Variants in GEMIN7 observed in about 807,000 individuals in gnomAD.
GEMIN7 encodes the protein gem-associated protein 7.
In GEMIN7, 7 loss-of-function variants were observed where a neutral mutation model predicts 7.8. The ratio of observed to expected loss-of-function variants is 0.90; its 90% CI spans 0.51 to 1.69. GEMIN7 has a LOEUF of 1.69. GEMIN7 is among the 40% of genes most tolerant of loss of function. GEMIN7 has a pLI of 0.00. For missense variants in GEMIN7, 159 were observed against 176.2 expected, an observed-to-expected ratio of 0.90 and a Z score of 0.55; for synonymous variants, 68 against 72.4, an observed-to-expected ratio of 0.94 and a Z score of 0.31.
chr19:45,077,360 C>A (rs913381003), upstream of GEMIN7, among the ~76,000 whole-genome samples: 1 of 152,208 alleles, frequency 6.6e-6, no homozygotes, highest in Non-Finnish European at 1.5e-5. Context: ...AGCTCACCTG[C>A]CTCCACTCCG....
At chr19:45,081,346 C>T (rs1967497335) in intron 2 of GEMIN7, among the ~76,000 whole-genome samples, 1 of 151,682 alleles carries the variant, frequency 6.6e-6, no homozygotes. Context: ...GTCCTAGTTA[C>T]TTGGGAGGCT....
At chr19:45,083,747 C>T (rs10422319) in intron 2 of GEMIN7, among the ~76,000 whole-genome samples, 83,234 of 149,056 alleles carry the variant, frequency 0.56, 24,037 homozygotes, top group African/African-American at 0.68. Context: ...ACTACAGGAG[C>T]GCACCCTTTG....
At chr19:45,087,826 C>T (rs78620885) in intron 2 of GEMIN7, among the ~76,000 whole-genome samples, 4,844 of 151,920 alleles carry the variant, frequency 0.032, 112 homozygotes, top group East Asian at 0.074. Context: ...GAGTTGACTA[C>T]AGTACTCCAG....
intron 2 of GEMIN7, among the ~76,000 whole-genome samples, chr19:45,087,319 A>G (rs1176654873): frequency 1.3e-5 from 2 of 152,062 alleles, no homozygotes; most frequent in Admixed American, 1.3e-4. Flanking sequence ...TGATTTTTGT[A>G]TTTTAGTACA....
chr19:45,082,620 A>T (rs548480800), intron 2 of GEMIN7, among the ~76,000 whole-genome samples: 143 of 151,848 alleles, frequency 9.4e-4, no homozygotes, highest in African/African-American at 3.2e-3. Context: ...TGGATGAGTG[A>T]ATTTTTTTTT....
At chr19:45,085,438 A>G (rs997333673) in intron 2 of GEMIN7, 1 of 152,234 alleles carries the variant, frequency 6.6e-6, no homozygotes, top group Admixed American at 6.6e-5. Flanking sequence ...TGCTACTGGC[A>G]TCTATTAATA....
At chr19:45,077,034 T>C (rs1227039393), upstream of GEMIN7, among the ~76,000 whole-genome samples, 1 of 151,794 alleles carries the variant, frequency 6.6e-6, no homozygotes, top group Non-Finnish European at 1.5e-5. Flanking sequence ...GCGGAGAGGG[T>C]TACTGGGGTT....
intron 2 of GEMIN7, among the ~76,000 whole-genome samples, chr19:45,084,834 C>T (rs545390856): frequency 2.0e-5 from 3 of 152,392 alleles, no homozygotes; most frequent in Admixed American, 2.0e-4. Context: ...CGGCTCACCA[C>T]AACCTCTGCC....
intron 2 of GEMIN7, among the ~76,000 whole-genome samples, chr19:45,083,891 G>A (rs564199550): frequency 1.1e-4 from 17 of 151,886 alleles, no homozygotes; most frequent in Admixed American, 6.6e-4. Flanking sequence ...GAGCCACCTC[G>A]TGCCCAGCTG....
chr19:45,090,557 A>T lies in GEMIN7; in HGVS notation c.*47A>T. On this transcript the variant is annotated 3_prime_UTR_variant, in exon 3 of 3. Coordinates refer to ENST00000270257, the MANE Select transcript of GEMIN7 (RefSeq NM_024707.3). ...GCTTGAGGCTAAGGCACTGTATCCC[A>T]GGCCTCCCAATGTTCCCGAGCCAGG... The T allele has an allele frequency of 1.3e-6, 2 of 1,541,492 alleles. No homozygotes were observed.
chr19:45,078,655 T>C (rs887239691), upstream of GEMIN7, among the ~76,000 whole-genome samples: 3 of 152,188 alleles, frequency 2.0e-5, no homozygotes, highest in Non-Finnish European at 4.4e-5. Flanking sequence ...CACTAGGCCT[T>C]GGTGATCTAG....
chr19:45,088,111 A>C (rs1302064658), intron 2 of GEMIN7, among the ~76,000 whole-genome samples: 1 of 150,880 alleles, frequency 6.6e-6, no homozygotes, highest in South Asian at 2.1e-4. Context: ...ATGCTTGGCT[A>C]ATTTTTGTAT....
At chr19:45,084,265 C>G (rs964774664) in intron 2 of GEMIN7, among the ~76,000 whole-genome samples, 2 of 147,048 alleles carry the variant, frequency 1.4e-5, no homozygotes, top group East Asian at 2.1e-4. Context: ...GGCATGGTGG[C>G]TTAGACCTGT....
At chr19:45,075,701 G>T (rs376870961), upstream of GEMIN7, 4 of 1,612,974 alleles carry the variant, frequency 2.5e-6, no homozygotes, top group Non-Finnish European at 2.5e-6. Context: ...GACTGCACCC[G>T]GCTTTACTCA....
At position 45,085,992 on chromosome 19, in the gene GEMIN7, C is replaced by T. The variant is rs928457262; in HGVS notation, c.-8-4115C>T. Among the ~76,000 whole-genome samples, 8 of 150,944 alleles carry T rather than the reference C, an allele frequency of 5.3e-5. No individual in the cohort carries two copies. In the East Asian group the frequency reaches 8.0e-4, roughly 15 times the overall value. ...ACGCCATTCTCCTGCCTCAGCCTCC[C>T]GAGTAGCTGGGACTACAGGCGACTG... is the stretch of plus-strand genomic sequence containing the variant. On this transcript the variant is annotated intron_variant, in intron 2 of 2. Coordinates refer to ENST00000270257, the MANE Select transcript of GEMIN7 (RefSeq NM_024707.3).
At chr19:45,081,752 G>A (rs894068346) in intron 2 of GEMIN7, among the ~76,000 whole-genome samples, 13 of 151,838 alleles carry the variant, frequency 8.6e-5, no homozygotes, top group African/African-American at 1.2e-4. Context: ...TCAGCCTCCC[G>A]AGTAGCTGGG....
intron 2 of GEMIN7, among the ~76,000 whole-genome samples, chr19:45,082,925 A>C (rs535057106): frequency 6.6e-6 from 1 of 152,010 alleles, no homozygotes; most frequent in South Asian, 2.1e-4. Flanking sequence ...CTGGCTAGAA[A>C]ACTTTTCTTT....
At chr19:45,079,705 GA>G (rs1027098441) in intron 1 of GEMIN7, among the ~76,000 whole-genome samples, 3 of 152,182 alleles carry the variant, frequency 2.0e-5, no homozygotes, top group Admixed American at 1.3e-4. Context: ...ATAAGAAAAG[GA>G]GAGCAATGGG....
chr19:45,086,521 C>T (rs943838248), intron 2 of GEMIN7, among the ~76,000 whole-genome samples: 1 of 152,164 alleles, frequency 6.6e-6, no homozygotes, highest in East Asian at 1.9e-4. Context: ...CAGACATGTG[C>T]CAAACATGGT....
Sources: gnomAD v4.1 joint callset for allele counts (sites outside exome capture counted in the v4.1 genomes callset) on GRCh38, gnomAD v4.1.1 for gene constraint, MANE v1.5 for transcripts, NCBI Gene and HGNC (gene_info 2026-07-23, HGNC 2026-07-21) for gene names.